RETREG3: variants seen among roughly 807,000 people sequenced by gnomAD.
The protein encoded by RETREG3 is reticulophagy regulator 3.
Under a neutral mutation model 50.2 loss-of-function variants are expected in RETREG3, and 23 were observed. The observed-to-expected ratio is 0.46, with a 90% confidence interval of 0.33 to 0.65. RETREG3 has a LOEUF of 0.65. RETREG3 is among the 30% of genes least tolerant of loss of function. RETREG3 has a pLI of 0.02. For synonymous variants in RETREG3, 240 were observed against 234.4 expected, an observed-to-expected ratio of 1.02 and a Z score of -0.22; for missense variants, 546 against 598.0, an observed-to-expected ratio of 0.91 and a Z score of 0.91.
At chr17:42,589,367 T>C (rs1179393215) in intron 2 of RETREG3, among the ~76,000 whole-genome samples, 1 of 152,210 alleles carries the variant, frequency 6.6e-6, no homozygotes, top group Non-Finnish European at 1.5e-5. Context: ...GCCTGCTAAG[T>C]GTAATGCCAT....
At chr17:42,605,709 T>C (rs560643463) in intron 1 of RETREG3, among the ~76,000 whole-genome samples, 25 of 152,230 alleles carry the variant, frequency 1.6e-4, no homozygotes, top group African/African-American at 5.8e-4. Context: ...AGTCACATTG[T>C]CGGCCAGGGA....
chr17:42,591,530 G>A (rs2093133190), intron 2 of RETREG3, among the ~76,000 whole-genome samples: 1 of 152,000 alleles, frequency 6.6e-6, no homozygotes, highest in Admixed American at 6.6e-5. Context: ...TTATTAGACG[G>A]GGTTTCATCA....
At chr17:42,585,024 C>G in intron 6 of RETREG3, 101 bp downstream of exon 6, 1 of 1,456,212 alleles carries the variant, frequency 6.9e-7, no homozygotes, top group South Asian at 1.2e-5. Flanking sequence ...CAACTACCCC[C>G]GACTTCCACT....
chr17:42,607,678 T>C (rs2093170661), intron 1 of RETREG3, among the ~76,000 whole-genome samples: 1 of 151,560 alleles, frequency 6.6e-6, no homozygotes, highest in African/African-American at 2.4e-5. Context: ...TGGTGGTTCA[T>C]GCCTGTAATC....
At chr17:42,591,603 G>A (rs889212208) in intron 2 of RETREG3, among the ~76,000 whole-genome samples, 1 of 152,128 alleles carries the variant, frequency 6.6e-6, no homozygotes, top group Non-Finnish European at 1.5e-5. Flanking sequence ...GACTCCCAAA[G>A]TGCAGGGGTT....
At chr17:42,597,117 G>A (rs922340537) in intron 1 of RETREG3, among the ~76,000 whole-genome samples, 1 of 151,714 alleles carries the variant, frequency 6.6e-6, no homozygotes, top group South Asian at 2.1e-4. Flanking sequence ...CAAGTGATCC[G>A]CCCGCTTCGA....
At chr17:42,601,983 G>A (rs1476609216) in intron 1 of RETREG3, among the ~76,000 whole-genome samples, 2 of 152,072 alleles carry the variant, frequency 1.3e-5, no homozygotes, top group African/African-American at 4.8e-5. Context: ...ATACATCACT[G>A]AGCATGTTAC....
Position 42,581,689 on chromosome 17 carries a change from G to T in RETREG3, c.*124C>A. 1 of 914,094 alleles carries T rather than the reference G, an allele frequency of 1.1e-6. No individual in the cohort carries two copies. Among genetic ancestry groups the T allele is most frequent in the Non-Finnish European group, 1.6e-6 (1 of 627,306 alleles). The allele number at this position is 914,094 out of a possible 1,614,324, so 56.6% of individuals were successfully genotyped here. On this transcript the variant is annotated 3_prime_UTR_variant, in exon 9 of 9. Coordinates refer to ENST00000309428, the MANE Select transcript of RETREG3 (RefSeq NM_178126.4). The stretch of plus-strand genomic sequence containing the variant: ...TAAGGAGGCCTCTGAGCATCAGCCA[G>T]GCCACCCAGCATACAAATATAATTC...
chr17:42,602,392 G>C (rs1307969257), intron 1 of RETREG3, among the ~76,000 whole-genome samples: 1 of 151,690 alleles, frequency 6.6e-6, no homozygotes, highest in East Asian at 1.9e-4. Flanking sequence ...CAATTCATCT[G>C]CCAGCAGCAG....
intron 1 of RETREG3, among the ~76,000 whole-genome samples, chr17:42,602,608 C>A (rs888131347): frequency 1.3e-5 from 2 of 152,090 alleles, no homozygotes; most frequent in African/African-American, 4.8e-5. Flanking sequence ...AGCCATATGC[C>A]CATTTTTCCA....
chr17:42,600,139 T>C (rs1304993871), intron 1 of RETREG3, among the ~76,000 whole-genome samples: 1 of 151,912 alleles, frequency 6.6e-6, no homozygotes, highest in East Asian at 1.9e-4. Context: ...TCCCAATACT[T>C]TGGGAGGCCG....
At chr17:42,594,126 T>C (rs1464648845) in intron 1 of RETREG3, among the ~76,000 whole-genome samples, 1 of 152,198 alleles carries the variant, frequency 6.6e-6, no homozygotes, top group Non-Finnish European at 1.5e-5. Context: ...GAGGTAGAGG[T>C]TGCAGTGAGC....
chr17:42,597,955 GA>G (rs2093151093), intron 1 of RETREG3, among the ~76,000 whole-genome samples: 1 of 142,596 alleles, frequency 7.0e-6, no homozygotes, highest in South Asian at 2.3e-4. Context: ...ATACCACAAA[GA>G]AAACTCTTCT....
intron 1 of RETREG3, among the ~76,000 whole-genome samples, chr17:42,603,053 T>TC (rs2093161427): frequency 6.6e-6 from 1 of 152,208 alleles, no homozygotes; most frequent in African/African-American, 2.4e-5. Context: ...GATTTTTTTT[T>TC]CCCCTTTTGT....
intron 1 of RETREG3, 105 bp downstream of exon 1, chr17:42,608,981 G>T: frequency 8.4e-7 from 1 of 1,187,770 alleles, no homozygotes; most frequent in East Asian, 2.4e-5. Flanking sequence ...GCAAGTACAG[G>T]AAGGAGCCAG....
In RETREG3 at chr17:42,583,547, A is replaced by G. The variant is rs2093114613; in HGVS notation, c.761T>C (p.Met254Thr). 6.2e-7 allele frequency: 1 copy of G among 1,613,874 alleles called. No individual in the cohort carries two copies. Among genetic ancestry groups the G allele is most frequent in the Non-Finnish European group, 8.5e-7 (1 of 1,179,828 alleles). Reference sequence around the variant, plus strand: ...CTCTTCGCTGTCACTGTGGTTGTCCATGGCTCGTTCTGGGTGGAGAGCTCT... The same window carrying G: ...CTCTTCGCTGTCACTGTGGTTGTCCGTGGCTCGTTCTGGGTGGAGAGCTCT... ...RRRALHPERA[M>T]DNHSDSEEEL... The change falls in exon 7 of 9, where the codon ATG becomes ACG. Residue 254 changes from methionine to threonine, a missense_variant. Met to Thr is a moderately conservative substitution (Grantham distance 81). Transcript: ENST00000309428.
At chr17:42,595,188 CG>C (rs1439845018) in intron 1 of RETREG3, among the ~76,000 whole-genome samples, 7 of 151,790 alleles carry the variant, frequency 4.6e-5, no homozygotes, top group African/African-American at 1.7e-4. Flanking sequence ...AGGATGGTCT[CG>C]ATCTCTTGAC....
At chr17:42,604,387 A>C (rs1033166207) in intron 1 of RETREG3, among the ~76,000 whole-genome samples, 6 of 152,112 alleles carry the variant, frequency 3.9e-5, no homozygotes, top group Non-Finnish European at 7.3e-5. Context: ...ACCACAAAGC[A>C]GTCAAGGTGC....
intron 6 of RETREG3, 44 bp downstream of exon 6, chr17:42,585,081 G>A (rs748315609): frequency 1.3e-5 from 20 of 1,598,310 alleles, no homozygotes; most frequent in African/African-American, 4.0e-5. Context: ...TCTCCTTTTC[G>A]CCCCAAATTG....
Sources: allele counts gnomAD v4.1 joint callset (sites outside exome capture counted in the v4.1 genomes callset), GRCh38; gene constraint gnomAD v4.1.1; transcripts MANE v1.5; gene names NCBI Gene and HGNC (gene_info 2026-07-23, HGNC 2026-07-21).